Variants in ARSF observed in about 807,000 individuals in gnomAD.
ARSF encodes arylsulfatase F.
In ARSF, 33 loss-of-function variants were observed where a neutral mutation model predicts 35.4. That is an observed-to-expected ratio of 0.93 (90% CI 0.71 to 1.25). The LOEUF (loss-of-function observed/expected upper bound fraction) is 1.25. ARSF is among the 50% of genes most tolerant of loss of function. The pLI, the probability that ARSF is intolerant of heterozygous loss-of-function variation, is 0.00. For synonymous variants in ARSF, 222 were observed against 193.1 expected (o/e 1.15, Z -1.24); for missense variants, 501 against 480.2 (o/e 1.04, Z -0.40).
At chrX:3,046,403 A>G (rs1050619348) in intron 1 of ARSF, among the ~76,000 whole-genome samples, 25 of 111,217 alleles carry the variant, frequency 2.2e-4, no homozygotes, top group African/African-American at 7.8e-4. Flanking sequence ...TTAAAAAGGG[A>G]AATTCTGCCA....
Position 3,057,384 on chromosome X carries a change from A to G in ARSF, c.-28-10689A>G, listed in dbSNP as rs142194343. Reference sequence around the variant, plus strand: ...AGCTCTCTTCAGCTCCTGGAAGAGTAGGTGGTTCTGATTCTCTTTCGGTGA... The same window carrying G: ...AGCTCTCTTCAGCTCCTGGAAGAGTGGGTGGTTCTGATTCTCTTTCGGTGA... On this transcript the variant is annotated intron_variant, in intron 1 of 10. Transcript: ENST00000381127. 9.6e-3 allele frequency among the ~76,000 whole-genome samples: 1,070 copies of G among 111,446 alleles called. 16 individuals carry two copies. The highest frequency in any genetic ancestry group is 0.033 in the African/African-American group (1,016 of 30,683).
intron 9 of ARSF, among the ~76,000 whole-genome samples, chrX:3,108,977 T>C (rs771191687): frequency 9.0e-6 from 1 of 110,859 alleles, no homozygotes; most frequent in Non-Finnish European, 1.9e-5. Context: ...GATCGTGCCG[T>C]TGCACTCCAG....
At chrX:3,082,572 A>G (rs2090210174) in intron 5 of ARSF, among the ~76,000 whole-genome samples, 1 of 110,854 alleles carries the variant, frequency 9.0e-6, no homozygotes. Context: ...TCATTCATCT[A>G]TTTAGACATC....
chrX:3,093,854 A>C (rs2090320194), intron 7 of ARSF, among the ~76,000 whole-genome samples: 1 of 111,920 alleles, frequency 8.9e-6, no homozygotes, highest in African/African-American at 3.3e-5. Flanking sequence ...TATTCCAAAC[A>C]ATAGTATATA....
chrX:3,087,638 C>A (rs2090257471), intron 6 of ARSF, among the ~76,000 whole-genome samples: 3 of 108,667 alleles, frequency 2.8e-5, no homozygotes, highest in Middle Eastern at 0.012. Context: ...TTTCTGGGGG[C>A]TACTATTCAA....
chrX:3,102,765 A>G lies in ARSF; in HGVS notation c.1103-997A>G, dbSNP rs774349548. 1.4e-4 allele frequency among the ~76,000 whole-genome samples: 16 copies of G among 111,171 alleles called. No individual in the cohort carries two copies. The East Asian group carries it at 4.5e-3, about 32-fold the overall frequency. ...CATCTCTACTAAAAATACAAAAATT[A>G]GCTGGGCATAGTGGCGGACACCTGT... On this transcript the variant is annotated intron_variant, in intron 8 of 10. Transcript: ENST00000381127.
At position 3,095,839 on chromosome X, in the gene ARSF, A is replaced by C. The variant is rs1199061414; in HGVS notation, c.968-5248A>C. Among the ~76,000 whole-genome samples the C allele has an allele frequency of 2.7e-5, 3 of 110,061 alleles. No individual in the cohort carries two copies. The Admixed American group carries it at 3.0e-4, about 11-fold the overall frequency. ...GATGTGCATTAATTAGATAGTAGCC[A>C]GGAAAATTCTTGCATGCTTTCTAGT... On this transcript the variant is annotated intron_variant, in intron 7 of 10. Transcript: ENST00000381127.
intron 1 of ARSF, among the ~76,000 whole-genome samples, chrX:3,046,986 G>A (rs770584053): frequency 1.5e-4 from 17 of 110,291 alleles, no homozygotes; most frequent in African/African-American, 4.9e-4. Context: ...AGAAAATGTC[G>A]TAACATTTTC....
Position 3,076,647 on chromosome X carries a change from G to A in ARSF, c.261G>A (p.Thr87=), listed in dbSNP as rs771521843. The A allele has an allele frequency of 2.5e-6, 3 of 1,211,620 alleles. No homozygotes were observed. Among genetic ancestry groups the A allele is most frequent in the East Asian group, 3.0e-5 (1 of 33,847 alleles). ...GCCCAAGCCGGTCCGCGTTCTTGAC[G>A]GGAAGATACCCCATCCGATCAGGTG... The part of the protein sequence containing the change: ...LCSPSRSAFL[T]GRYPIRSGMV... Residue 87 remains threonine, a synonymous_variant, in exon 4 of 11, where the codon ACG becomes ACA. Transcript: ENST00000381127.
At chrX:3,079,060 T>A (rs1347959171) in intron 4 of ARSF, among the ~76,000 whole-genome samples, 1 of 111,359 alleles carries the variant, frequency 9.0e-6, no homozygotes, top group Non-Finnish European at 1.9e-5. Context: ...GACTGGCGTC[T>A]GTCACCAAGC....
intron 3 of ARSF, among the ~76,000 whole-genome samples, chrX:3,073,613 AATATTTATAAAT>A (rs1237450859): frequency 1.0e-5 from 1 of 96,929 alleles, no homozygotes; most frequent in African/African-American, 3.6e-5. Flanking sequence ...ATATAATATA[AATATTTATAAAT>A]ATATTTATAA....
At chrX:3,082,449 C>T (rs2090208975) in intron 5 of ARSF, among the ~76,000 whole-genome samples, 1 of 111,709 alleles carries the variant, frequency 9.0e-6, no homozygotes, top group African/African-American at 3.3e-5. Flanking sequence ...TATCTATCAT[C>T]TATGAATCTA....
intron 1 of ARSF, among the ~76,000 whole-genome samples, chrX:3,064,468 A>G (rs1237883991): frequency 1.8e-5 from 2 of 111,947 alleles, no homozygotes; most frequent in Non-Finnish European, 3.8e-5. Flanking sequence ...TAATTAAACT[A>G]AAGAGCTTCT....
rs145315217 is a variant in ARSF, at chrX:3,089,784, T to C, written c.967+152T>C. 2.3e-4 allele frequency: 132 copies of C among 573,126 alleles called. 2 individuals carry two copies. Among genetic ancestry groups the C allele is most frequent in the African/African-American group, 1.6e-3 (70 of 43,516 alleles). 47.2% of individuals were successfully genotyped at this position (573,126 alleles called of 1,213,427 possible). ...TTAATGAGGTAATAGTTGCTAGCAA[T>C]TGAGAAAGTCAGCAAAAAAACTATA... On this transcript the variant is annotated intron_variant, in intron 7 of 10. Coordinates refer to ENST00000381127, the MANE Select transcript of ARSF (RefSeq NM_001201539.2).
At chrX:3,052,564 C>A (rs1346048883) in intron 1 of ARSF, among the ~76,000 whole-genome samples, 1 of 110,244 alleles carries the variant, frequency 9.1e-6, no homozygotes, top group Non-Finnish European at 1.9e-5. Flanking sequence ...CACGGTCAGT[C>A]ACATCTGTAA....
intron 5 of ARSF, among the ~76,000 whole-genome samples, chrX:3,082,773 A>G (rs1386741961): frequency 9.0e-6 from 1 of 111,435 alleles, no homozygotes; most frequent in African/African-American, 3.3e-5. Context: ...ATATGTATAC[A>G]TAGATGCATA....
rs184515279 is a variant in ARSF at position 3,087,703 on chromosome X, G to T, written c.831-1793G>T. On this transcript the variant is annotated intron_variant, in intron 6 of 10. Coordinates refer to ENST00000381127, the MANE Select transcript of ARSF (RefSeq NM_001201539.2). ...GAGGCTCTAGGGGAGGATCTCTTCT[G>T]CCTCCTCTAGCTCCTGGTGGCTCCA... Among the ~76,000 whole-genome samples, 3 of 111,863 alleles carry T rather than the reference G, an allele frequency of 2.7e-5. No individual in the cohort carries two copies. In the Admixed American group the frequency reaches 2.9e-4, roughly 11 times the overall value.
intron 7 of ARSF, 134 bp downstream of exon 7, chrX:3,089,766 G>T: frequency 1.5e-6 from 1 of 653,907 alleles, no homozygotes; most frequent in Non-Finnish European, 2.2e-6. Context: ...ACATTAATGA[G>T]GTAATAGTTG....
At chrX:3,063,491 A>G (rs1310541478) in intron 1 of ARSF, among the ~76,000 whole-genome samples, 1 of 111,753 alleles carries the variant, frequency 8.9e-6, no homozygotes, top group Non-Finnish European at 1.9e-5. Context: ...AGGGTTTTCA[A>G]TTAGGAAAAG....
Sources: allele counts gnomAD v4.1 joint callset (sites outside exome capture counted in the v4.1 genomes callset), GRCh38; gene constraint gnomAD v4.1.1; transcripts MANE v1.5; gene names NCBI Gene and HGNC (gene_info 2026-07-23, HGNC 2026-07-21).